Variants in GALNT14 observed in about 807,000 individuals in gnomAD.
GALNT14 encodes the protein polypeptide N-acetylgalactosaminyltransferase 14.
A neutral mutation model predicts 77.5 loss-of-function variants in GALNT14; 60 were observed. The ratio of observed to expected loss-of-function variants is 0.77; its 90% CI spans 0.63 to 0.96. The LOEUF is 0.96. Ranked by LOEUF, GALNT14 falls within the 40% of genes least tolerant of loss-of-function variation. The probability of loss-of-function intolerance (pLI) is 0.00; values close to 1 mark genes in which losing one functional copy is unlikely to be tolerated. For missense variants in GALNT14, 710 were observed against 731.0 expected (o/e 0.97, Z 0.33); for synonymous variants, 280 against 281.7 (o/e 0.99, Z 0.06).
At chr2:30,938,443 A>G (rs911677673) in intron 9 of GALNT14, among the ~76,000 whole-genome samples, 2 of 152,060 alleles carry the variant, frequency 1.3e-5, no homozygotes, top group Non-Finnish European at 2.9e-5. Context: ...ACCAAAAGCT[A>G]AAAGTAGGAT....
chr2:31,075,522 T>C (rs192308323), intron 1 of GALNT14, among the ~76,000 whole-genome samples: 3 of 152,302 alleles, frequency 2.0e-5, no homozygotes, highest in East Asian at 3.9e-4. Flanking sequence ...TGATGCAGAA[T>C]GTGTGTCACA....
chr2:31,057,479 G>A (rs1002243039), intron 1 of GALNT14, among the ~76,000 whole-genome samples: 1 of 148,088 alleles, frequency 6.8e-6, no homozygotes, highest in African/African-American at 2.5e-5. Flanking sequence ...TTGTGTAAAT[G>A]TAAAGCTGGG....
chr2:31,122,998 A>G lies in GALNT14; in HGVS notation c.129+14960T>C, dbSNP rs181944913. On this transcript the variant is annotated intron_variant, in intron 1 of 14. Transcript: ENST00000349752. ...AGATCAAGACCATCCTGGCTAACACAGTGAAACCCTGTCTCTACTAAAAAA... is the reference window on the plus strand; with the variant it reads ...AGATCAAGACCATCCTGGCTAACACGGTGAAACCCTGTCTCTACTAAAAAA... 2.0e-3 allele frequency among the ~76,000 whole-genome samples: 310 copies of G among 152,148 alleles called. 3 individuals are homozygous for G. The East Asian group carries it at 0.02, about 10-fold the overall frequency.
At chr2:30,995,130 T>TTTTG (rs1669943578) in intron 1 of GALNT14, among the ~76,000 whole-genome samples, 2 of 144,040 alleles carry the variant, frequency 1.4e-5, no homozygotes, top group Admixed American at 1.4e-4. Flanking sequence ...AGAACCAATG[T>TTTTG]TGTGTGTGTG....
intron 1 of GALNT14, among the ~76,000 whole-genome samples, chr2:31,031,956 C>T (rs1672440911): frequency 6.6e-6 from 1 of 152,174 alleles, no homozygotes; most frequent in African/African-American, 2.4e-5. Flanking sequence ...GTGCCTGCTC[C>T]CTCTCCTCTC....
In GALNT14 at chr2:30,944,839, A is replaced by G. The variant is rs754753068; in HGVS notation, c.827+19T>C. ...GTGGTGATGGTCTGCCCACCCCTGCACAGACTCTTCCCACTTACCTGATGG... is the reference window on the plus strand; with the variant it reads ...GTGGTGATGGTCTGCCCACCCCTGCGCAGACTCTTCCCACTTACCTGATGG... On this transcript the variant is annotated intron_variant, in intron 8 of 14. Transcript: ENST00000349752. 4 of 1,583,134 alleles carry G rather than the reference A, an allele frequency of 2.5e-6. No individual in the cohort carries two copies. In the South Asian group the frequency reaches 4.6e-5, roughly 18 times the overall value.
chr2:31,073,500 C>CA (rs2148568780), intron 1 of GALNT14, among the ~76,000 whole-genome samples: 1 of 151,828 alleles, frequency 6.6e-6, no homozygotes, highest in Admixed American at 6.6e-5. Flanking sequence ...GGGGGAACAG[C>CA]ATTTGGGGAA....
At chr2:31,067,414 CGA>C in intron 1 of GALNT14, among the ~76,000 whole-genome samples, 1 of 152,252 alleles carries the variant, frequency 6.6e-6, no homozygotes, top group East Asian at 1.9e-4. Flanking sequence ...CAGGGGTCAC[CGA>C]GAGACTCAGG....
chr2:31,037,099 C>T (rs1208795619), intron 1 of GALNT14, among the ~76,000 whole-genome samples: 1 of 152,108 alleles, frequency 6.6e-6, no homozygotes, highest in Non-Finnish European at 1.5e-5. Flanking sequence ...TTCTGGCATG[C>T]TTATTATGCA....
At chr2:31,022,715 A>G (rs1175212322) in intron 1 of GALNT14, among the ~76,000 whole-genome samples, 4 of 152,228 alleles carry the variant, frequency 2.6e-5, no homozygotes, top group Admixed American at 6.5e-5. Flanking sequence ...AGCCTTAAGC[A>G]GAAAAGAAAT....
At chr2:30,987,515 C>T (rs964217635) in intron 2 of GALNT14, among the ~76,000 whole-genome samples, 4 of 152,152 alleles carry the variant, frequency 2.6e-5, no homozygotes, top group Admixed American at 1.3e-4. Context: ...ACTTCACAGG[C>T]GAAGAACCAA....
In GALNT14 at chr2:31,099,100, T is replaced by A. The variant is rs190228945; in HGVS notation, c.129+38858A>T. Among the ~76,000 whole-genome samples the A allele has an allele frequency of 1.4e-4, 22 of 152,274 alleles. No homozygotes were observed. The East Asian group carries it at 4.1e-3, about 28-fold the overall frequency. On this transcript the variant is annotated intron_variant, in intron 1 of 14. Coordinates refer to ENST00000349752, the MANE Select transcript of GALNT14 (RefSeq NM_024572.4). Reference sequence around the variant, plus strand: ...ATGCCTCCACTTTTTATATATAAGTTAGTATAGAATACACACTATTGTGCA... The same window carrying A: ...ATGCCTCCACTTTTTATATATAAGTAAGTATAGAATACACACTATTGTGCA...
intron 1 of GALNT14, among the ~76,000 whole-genome samples, chr2:31,092,878 G>A (rs1216975061): frequency 6.6e-6 from 1 of 152,066 alleles, no homozygotes; most frequent in East Asian, 1.9e-4. Context: ...ACTTTTAATG[G>A]CAAAAATTGC....
At chr2:31,012,279 C>T (rs1318693870) in intron 1 of GALNT14, among the ~76,000 whole-genome samples, 2 of 152,162 alleles carry the variant, frequency 1.3e-5, no homozygotes, top group Non-Finnish European at 2.9e-5. Flanking sequence ...CCCTGGTTCC[C>T]ACACACTGGC....
At chr2:30,935,473 A>G (rs1273897575) in intron 9 of GALNT14, among the ~76,000 whole-genome samples, 1 of 152,200 alleles carries the variant, frequency 6.6e-6, no homozygotes, top group Admixed American at 6.5e-5. Context: ...TGCCGCCCAG[A>G]GGAACCTGCA....
At chr2:31,114,789 G>C in intron 1 of GALNT14, 1 of 717,582 alleles carries the variant, frequency 1.4e-6, no homozygotes, top group Non-Finnish European at 2.6e-6. Flanking sequence ...TGAGCTTCTT[G>C]CAAGAGACAT....
intron 1 of GALNT14, among the ~76,000 whole-genome samples, chr2:31,086,000 G>A (rs981369626): frequency 6.6e-5 from 10 of 152,092 alleles, no homozygotes; most frequent in African/African-American, 1.9e-4. Flanking sequence ...AGACTTACTC[G>A]CTATCACAAG....
chr2:31,039,464 A>T (rs995594462), intron 1 of GALNT14, among the ~76,000 whole-genome samples: 1 of 152,132 alleles, frequency 6.6e-6, no homozygotes, highest in Admixed American at 6.5e-5. Flanking sequence ...GTAAAGACTC[A>T]CTCTAAGACT....
chr2:30,949,327 C>G (rs561088990), intron 6 of GALNT14, among the ~76,000 whole-genome samples: 7 of 152,218 alleles, frequency 4.6e-5, no homozygotes, highest in Non-Finnish European at 8.8e-5. Context: ...GCAGGTGGGT[C>G]AATTACAGCT....
Sources: gnomAD v4.1 joint callset for allele counts (sites outside exome capture counted in the v4.1 genomes callset) on GRCh38, gnomAD v4.1.1 for gene constraint, MANE v1.5 for transcripts, NCBI Gene and HGNC (gene_info 2026-07-23, HGNC 2026-07-21) for gene names.